PLXDC2: variants seen among roughly 807,000 people sequenced by gnomAD.
PLXDC2 encodes plexin domain-containing protein 2.
Under a neutral mutation model 68.9 loss-of-function variants are expected in PLXDC2, and 40 were observed. That is an observed-to-expected ratio of 0.58 (90% CI 0.45 to 0.76). PLXDC2 has a LOEUF of 0.76. Among genes scored for constraint, PLXDC2 ranks in the 30% least tolerant of loss-of-function variants. The probability of loss-of-function intolerance (pLI) is 0.00; values close to 1 mark genes in which losing one functional copy is unlikely to be tolerated. For synonymous variants in PLXDC2, 243 were observed against 234.2 expected (o/e 1.04, Z -0.34); for missense variants, 644 against 661.9 (o/e 0.97, Z 0.30).
chr10:19,864,751 A>G (rs1007969536), intron 1 of PLXDC2, among the ~76,000 whole-genome samples: 1 of 152,224 alleles, frequency 6.6e-6, no homozygotes, highest in African/African-American at 2.4e-5. Flanking sequence ...AAGAGAGCAC[A>G]GGTAAGTGGA....
intron 7 of PLXDC2, among the ~76,000 whole-genome samples, chr10:20,175,175 A>G (rs1315284050): frequency 6.6e-6 from 1 of 152,208 alleles, no homozygotes; most frequent in Non-Finnish European, 1.5e-5. Context: ...TCTAATATGT[A>G]TTGAGCATTT....
chr10:20,236,831 G>A (rs929825962), intron 12 of PLXDC2, among the ~76,000 whole-genome samples: 2 of 152,026 alleles, frequency 1.3e-5, no homozygotes, highest in Admixed American at 1.3e-4. Flanking sequence ...ACATACACAT[G>A]CCTAAAAGCA....
rs971270979 is a variant in PLXDC2 at position 20,230,625 on chromosome 10, T to TCA, written c.1312+11527_1312+11528dup. ...AGGTCCAGGCTGCAGTGAGTCATGGTCACACCAGTTCACACCATGGTGAGC... is the reference window on the plus strand; with the variant it reads ...AGGTCCAGGCTGCAGTGAGTCATGGTCACACACCAGTTCACACCATGGTGAGC... On this transcript the variant is annotated intron_variant, in intron 12 of 13. Coordinates refer to ENST00000377252, the MANE Select transcript of PLXDC2 (RefSeq NM_032812.9). Among the ~76,000 whole-genome samples the TCA allele has an allele frequency of 4.6e-5, 6 of 129,846 alleles. No individual in the cohort carries two copies. In the Admixed American group the frequency reaches 5.3e-4, roughly 12 times the overall value. The allele number at this position is 129,846 out of a possible 152,430, so 85.2% of individuals were successfully genotyped here. A position where few individuals can be genotyped will look rare whatever the true frequency, so the allele number is the denominator to read the frequency against.
chr10:20,138,086 T>A (rs1833957063), intron 4 of PLXDC2, among the ~76,000 whole-genome samples: 1 of 152,232 alleles, frequency 6.6e-6, no homozygotes, highest in Non-Finnish European at 1.5e-5. Flanking sequence ...AGCTCAATTT[T>A]ATTTAAATAT....
intron 1 of PLXDC2, among the ~76,000 whole-genome samples, chr10:19,889,902 G>T (rs1016895798): frequency 6.6e-6 from 1 of 152,162 alleles, no homozygotes; most frequent in Non-Finnish European, 1.5e-5. Context: ...ATACTACGGG[G>T]TTGTTGGTTT....
chr10:20,234,368 A>G (rs1375621867), intron 12 of PLXDC2, among the ~76,000 whole-genome samples: 3 of 152,106 alleles, frequency 2.0e-5, no homozygotes, highest in Non-Finnish European at 4.4e-5. Context: ...ATTTCAGGAG[A>G]CTTGGTGCTG....
In PLXDC2 at chr10:19,890,116, G is replaced by T. The variant is rs563604424; in HGVS notation, c.112+72925G>T. The stretch of plus-strand genomic sequence containing the variant: ...ATTTGATAGCCTGCTGTGAGTGAAG[G>T]ACAGGTAGTCTACTGTGTCAACTTT... On this transcript the variant is annotated intron_variant, in intron 1 of 13. Transcript: ENST00000377252. 9.8e-5 allele frequency among the ~76,000 whole-genome samples: 15 copies of T among 152,306 alleles called. No individual in the cohort carries two copies. The East Asian group carries it at 2.5e-3, about 25-fold the overall frequency.
intron 4 of PLXDC2, among the ~76,000 whole-genome samples, chr10:20,111,900 C>G (rs1589634480): frequency 6.6e-6 from 1 of 152,130 alleles, no homozygotes; most frequent in East Asian, 1.9e-4. Flanking sequence ...TGCTGAAACC[C>G]CTTTCCCAAT....
At chr10:20,158,353 A>AATACTTCTAAATAGCT (rs199800541) in intron 6 of PLXDC2, among the ~76,000 whole-genome samples, 15 of 152,038 alleles carry the variant, frequency 9.9e-5, no homozygotes, top group African/African-American at 3.6e-4. Flanking sequence ...TAATTTGCCC[A>AATACTTCTAAATAGCT]ATACTTCTAA....
At chr10:19,964,471 A>C (rs1480593542) in intron 1 of PLXDC2, among the ~76,000 whole-genome samples, 2 of 152,218 alleles carry the variant, frequency 1.3e-5, no homozygotes, top group Non-Finnish European at 2.9e-5. Context: ...ACTGCAGAAG[A>C]AATAACTCAG....
At chr10:19,881,754 T>A (rs1276343665) in intron 1 of PLXDC2, among the ~76,000 whole-genome samples, 2 of 152,222 alleles carry the variant, frequency 1.3e-5, no homozygotes, top group Non-Finnish European at 2.9e-5. Context: ...TTATTGAAAC[T>A]GCCAAAAAGT....
intron 1 of PLXDC2, among the ~76,000 whole-genome samples, chr10:19,965,343 T>C (rs1006860680): frequency 6.6e-6 from 1 of 152,186 alleles, no homozygotes; most frequent in Admixed American, 6.5e-5. Flanking sequence ...CTGGATAATT[T>C]TGAATAATTG....
At chr10:20,020,045 G>A (rs7075902) in intron 2 of PLXDC2, among the ~76,000 whole-genome samples, 24,018 of 139,336 alleles carry the variant, frequency 0.17, 2,369 homozygotes, top group Non-Finnish European at 0.23. Flanking sequence ...TTTTTCTTTT[G>A]AGGCAGGGCT....
chr10:19,877,159 A>G (rs1433683749), intron 1 of PLXDC2, among the ~76,000 whole-genome samples: 1 of 151,746 alleles, frequency 6.6e-6, no homozygotes, highest in Non-Finnish European at 1.5e-5. Flanking sequence ...GATCAGTAAA[A>G]TAAGGGAGGG....
At chr10:19,989,556 G>A (rs2131627258) in intron 1 of PLXDC2, among the ~76,000 whole-genome samples, 1 of 152,210 alleles carries the variant, frequency 6.6e-6, no homozygotes, top group Admixed American at 6.5e-5. Flanking sequence ...CTGTATATTT[G>A]AAGACATGTG....
intron 1 of PLXDC2, among the ~76,000 whole-genome samples, chr10:19,822,773 T>G (rs1476813493): frequency 6.6e-6 from 1 of 152,340 alleles, no homozygotes; most frequent in African/African-American, 2.4e-5. Context: ...CCATTTTTTT[T>G]GTCTTCTTTG....
At chr10:20,199,274 A>G (rs1834886158) in intron 9 of PLXDC2, among the ~76,000 whole-genome samples, 1 of 152,006 alleles carries the variant, frequency 6.6e-6, no homozygotes, top group Non-Finnish European at 1.5e-5. Flanking sequence ...GTTACTTACT[A>G]CATGCAATAA....
At chr10:20,222,013 C>T (rs890816966) in intron 12 of PLXDC2, among the ~76,000 whole-genome samples, 2 of 152,148 alleles carry the variant, frequency 1.3e-5, no homozygotes, top group Non-Finnish European at 2.9e-5. Flanking sequence ...ACCATTGTTA[C>T]AGTAATAAAG....
chr10:19,966,215 C>T (rs1206217266), intron 1 of PLXDC2, among the ~76,000 whole-genome samples: 7 of 126,174 alleles, frequency 5.5e-5, no homozygotes, highest in Non-Finnish European at 9.8e-5. Context: ...ATATATACTA[C>T]GTATACATAT....
Sources: gnomAD v4.1 joint callset for allele counts (sites outside exome capture counted in the v4.1 genomes callset) on GRCh38, gnomAD v4.1.1 for gene constraint, MANE v1.5 for transcripts, NCBI Gene and HGNC (gene_info 2026-07-23, HGNC 2026-07-21) for gene names.